Variants in KCNQ2 observed in about 807,000 individuals in gnomAD.
KCNQ2 encodes potassium voltage-gated channel subfamily Q member 2.
In KCNQ2, 14 loss-of-function variants were observed where a neutral mutation model predicts 84.8. The observed-to-expected ratio is 0.17, with a 90% CI of 0.11 to 0.26. The LOEUF (loss-of-function observed/expected upper bound fraction) is 0.26. KCNQ2 is among the 10% of genes least tolerant of loss of function. KCNQ2 has a pLI of 1.00. For missense variants in KCNQ2, 788 were observed against 1,254.0 expected, an observed-to-expected ratio of 0.63 and a Z score of 5.61; for synonymous variants, 599 against 554.1, an observed-to-expected ratio of 1.08 and a Z score of -1.14.
Position 63,406,895 on chromosome 20 carries a change from T to C in KCNQ2, c.2368A>G (p.Ile790Val). The C allele has an allele frequency of 6.2e-7, 1 of 1,611,672 alleles. No homozygotes were observed. The highest frequency in any genetic ancestry group is 8.5e-7 in the Non-Finnish European group (1 of 1,179,614). ...NLRDSDTSISIPSVDHEELER... is the reference protein window; with the variant it reads ...NLRDSDTSISVPSVDHEELER... ...AGCTCCTCGTGGTCCACGGACGGGA[T>C]GGAGATGGACGTGTCGCTGTCCCGC... is the stretch of plus-strand genomic sequence containing the variant. The change falls in exon 17 of 17, where the codon ATC becomes GTC. Residue 790 changes from isoleucine to valine, a missense_variant. Transcript: ENST00000359125.
At chr20:63,465,976 C>T (rs1042246034) in intron 1 of KCNQ2, among the ~76,000 whole-genome samples, 3 of 152,180 alleles carry the variant, frequency 2.0e-5, no homozygotes, top group Non-Finnish European at 4.4e-5. Flanking sequence ...TTCTCTGGCG[C>T]GGTCTGCGTG....
rs565767024 is a variant in KCNQ2, at chr20:63,405,698, G to C, written c.*946C>G. ...GAGGCCTGCTCACCAGGTGGGTCTC[G>C]CAGTGCCGGCACCCGGCCAGGGCAG... On this transcript the variant is annotated 3_prime_UTR_variant, in exon 17 of 17. Transcript: ENST00000359125. The C allele has an allele frequency of 6.6e-6, 1 of 152,372 alleles. No individual in the cohort carries two copies. Among genetic ancestry groups the C allele is most frequent in the South Asian group, 2.1e-4 (1 of 4,834 alleles). 9.4% of individuals were successfully genotyped at this position (152,372 alleles called of 1,614,324 possible).
In KCNQ2 at chr20:63,446,801, C is replaced by G; in HGVS notation, c.333G>C (p.Val111=). The change falls in exon 2 of 17, where the codon GTG becomes GTC. Residue 111 remains valine, a synonymous_variant. Coordinates refer to ENST00000359125, the MANE Select transcript of KCNQ2 (RefSeq NM_172107.4). This position sits in a 1 kb window ranked among gnomAD's most constrained non-coding sequence, Gnocchi z 5.5. ...TCTCATACTCCTTGATGGTGGAAAA[C>G]ACAGACAGCACGAGGCAGGAGAAAA... is the stretch of plus-strand genomic sequence containing the variant. ...LLVFSCLVLS[V]FSTIKEYEKS... is the part of the protein sequence containing the mutation. 6.2e-7 allele frequency: 1 copy of G among 1,613,548 alleles called. No homozygotes were observed. Among genetic ancestry groups the G allele is most frequent in the African/African-American group, 1.3e-5 (1 of 75,010 alleles).
chr20:63,444,244 C>T (rs561638528), intron 4 of KCNQ2, among the ~76,000 whole-genome samples: 1 of 152,320 alleles, frequency 6.6e-6, no homozygotes, highest in East Asian at 1.9e-4. Context: ...CCCTCTGGGT[C>T]CCCCGGACAG....
At chr20:63,443,266 C>CACG (rs2081292779) in intron 4 of KCNQ2, among the ~76,000 whole-genome samples, 1 of 122,058 alleles carries the variant, frequency 8.2e-6, no homozygotes. Context: ...TCGCCACCAT[C>CACG]ATCACCACCA....
At position 63,438,330 on chromosome 20, in the gene KCNQ2, G is replaced by A; in HGVS notation, c.1023+295C>T. 1.9e-6 allele frequency: 1 copy of A among 520,648 alleles called. No individual in the cohort carries two copies. The highest frequency in any genetic ancestry group is 3.4e-5 in the East Asian group (1 of 29,194). 32.3% of individuals were successfully genotyped at this position (520,648 alleles called of 1,614,324 possible). On this transcript the variant is annotated intron_variant, in intron 7 of 16. Transcript: ENST00000359125. This position sits in a 1 kb window ranked among gnomAD's most constrained non-coding sequence, Gnocchi z 5.1. ...GGCCCTGCAGCTGCAGAACGGGTGT[G>A]CTCACCTCCCAGGGTGCGGTAGAGA...
chr20:63,443,277 T>TCAC (rs1568937013), intron 4 of KCNQ2, among the ~76,000 whole-genome samples: 53 of 13,390 alleles, frequency 4.0e-3, no homozygotes, highest in African/African-American at 0.015. Context: ...ATCACCACCA[T>TCAC]CACCATCACC....
intron 10 of KCNQ2, among the ~76,000 whole-genome samples, chr20:63,426,865 TACTC>T (rs2080649220): frequency 6.6e-6 from 1 of 152,134 alleles, no homozygotes; most frequent in Non-Finnish European, 1.5e-5. Flanking sequence ...CACCTCAAAA[TACTC>T]ACGTCCAAAA....
chr20:63,403,831 A>G lies in KCNQ2; in HGVS notation c.*2813T>C, dbSNP rs1002271369. ...AACACTGCGGGAGCTCTTTGCCATG[A>G]GGTGGCACTGGTCCTTGGCCACGCT... On this transcript the variant is annotated 3_prime_UTR_variant, in exon 17 of 17. Transcript: ENST00000359125. 6.6e-6 allele frequency: 1 copy of G among 152,238 alleles called. No individual in the cohort carries two copies. Among genetic ancestry groups the G allele is most frequent in the African/African-American group, 2.4e-5 (1 of 41,450 alleles). 9.4% of individuals were successfully genotyped at this position (152,238 alleles called of 1,614,324 possible).
At chr20:63,453,550 G>C (rs749124575) in intron 1 of KCNQ2, 2 of 152,282 alleles carry the variant, frequency 1.3e-5, no homozygotes, top group Non-Finnish European at 2.9e-5. Flanking sequence ...GGGAGGACGC[G>C]GGGGTCCCTG....
chr20:63,415,239 C>T, intron 12 of KCNQ2, 113 bp from the exon 13 acceptor site: 1 of 999,070 alleles, frequency 1.0e-6, no homozygotes, highest in Non-Finnish European at 1.5e-6. Flanking sequence ...CGGAGGGAGA[C>T]ACAGGTCTGA....
intron 15 of KCNQ2, among the ~76,000 whole-genome samples, chr20:63,411,326 C>T (rs939450620): frequency 6.6e-6 from 1 of 152,218 alleles, no homozygotes; most frequent in Non-Finnish European, 1.5e-5. Flanking sequence ...TGGCCAGGCC[C>T]ACCCCCACAG....
Position 63,408,339 on chromosome 20 carries a change from C to T in KCNQ2, c.1887+74G>A. ...CCTCCGTGGCACCCAGCCCCTGAAGCCCACACTGCCACAGGTTGACGGCAG... is the reference window on the plus strand; with the variant it reads ...CCTCCGTGGCACCCAGCCCCTGAAGTCCACACTGCCACAGGTTGACGGCAG... On this transcript the variant is annotated intron_variant, in intron 16 of 16. Coordinates refer to ENST00000359125, the MANE Select transcript of KCNQ2 (RefSeq NM_172107.4). The surrounding 1 kb of genome is among the most constrained non-coding windows in gnomAD (Gnocchi z 5.0). 6.3e-7 allele frequency: 1 copy of T among 1,580,146 alleles called. No homozygotes were observed. The highest frequency in any genetic ancestry group is 8.6e-7 in the Non-Finnish European group (1 of 1,165,062).
chr20:63,403,712 C>G lies in KCNQ2; in HGVS notation c.*2932G>C, dbSNP rs1034179266. The G allele has an allele frequency of 3.3e-5, 5 of 152,210 alleles. No individual in the cohort carries two copies. The highest frequency in any genetic ancestry group is 7.3e-5 in the Non-Finnish European group (5 of 68,066). The allele number at this position is 152,210 out of a possible 1,614,324, so 9.4% of individuals were successfully genotyped here. ...ACATGTGTGCTATGTGGTCTGTGTG[C>G]ATGTGTGCAAGCGTGCATGTGTACG... On this transcript the variant is annotated 3_prime_UTR_variant, in exon 17 of 17. Transcript: ENST00000359125.
At chr20:63,441,388 G>A (rs1379483316) in intron 5 of KCNQ2, among the ~76,000 whole-genome samples, 1 of 152,100 alleles carries the variant, frequency 6.6e-6, no homozygotes, top group Admixed American at 6.5e-5. Context: ...AGCCGCATCC[G>A]CTGCAGAGGG....
intron 1 of KCNQ2, among the ~76,000 whole-genome samples, chr20:63,452,815 C>G (rs1322223080): frequency 6.6e-6 from 1 of 152,192 alleles, no homozygotes; most frequent in Non-Finnish European, 1.5e-5. Flanking sequence ...GAGAGAGGCC[C>G]CACCGGGACC....
chr20:63,439,692 A>G lies in KCNQ2; in HGVS notation c.833T>C (p.Ile278Thr), dbSNP rs1057523728. ...LWWGLITLTT[I>T]GYGDKYPQTW... ...CTGGGGGTACTTGTCCCCGTAGCCA[A>G]TGGTGGTCAGCGTGATCTGTGGGAC... Residue 278 changes from isoleucine (I) to threonine (T), a missense_variant, in exon 6 of 17, where the codon ATT becomes ACT. Ile to Thr is a moderately conservative substitution (Grantham distance 89). Coordinates refer to ENST00000359125, the MANE Select transcript of KCNQ2 (RefSeq NM_172107.4). 6.2e-7 allele frequency: 1 copy of G among 1,613,468 alleles called. No individual in the cohort carries two copies. Among genetic ancestry groups the G allele is most frequent in the African/African-American group, 1.3e-5 (1 of 75,054 alleles).
chr20:63,438,225 C>CA lies in KCNQ2; in HGVS notation c.1023+399dup, dbSNP rs2081061725. On this transcript the variant is annotated intron_variant, in intron 7 of 16. Coordinates refer to ENST00000359125, the MANE Select transcript of KCNQ2 (RefSeq NM_172107.4). The surrounding 1 kb of genome is among the most constrained non-coding windows in gnomAD (Gnocchi z 5.1). ...CACTGGGTGGGGTCCGGGCGGGCAT[C>CA]ATGGGGGCCCACAGCCAGCATCAGG... The CA allele has an allele frequency of 3.0e-6, 1 of 328,314 alleles. No individual in the cohort carries two copies. The highest frequency in any genetic ancestry group is 5.9e-6 in the Non-Finnish European group (1 of 169,778). 20.3% of individuals were successfully genotyped at this position (328,314 alleles called of 1,614,324 possible). A position where few individuals can be genotyped will look rare whatever the true frequency, so the allele number is the denominator to read the frequency against.
At chr20:63,471,022 T>C (rs869022) in intron 1 of KCNQ2, 13,876 of 152,214 alleles carry the variant, frequency 0.091, 1,073 homozygotes, top group East Asian at 0.45. Flanking sequence ...CAGAACCCTC[T>C]CATATCACAG....
Sources: allele counts gnomAD v4.1 joint callset (sites outside exome capture counted in the v4.1 genomes callset), GRCh38; gene constraint gnomAD v4.1.1; non-coding constraint Gnocchi (gnomAD v3.1); transcripts MANE v1.5; gene names NCBI Gene and HGNC (gene_info 2026-07-23, HGNC 2026-07-21).